The following SNX7 variants were observed in gnomAD, a reference collection of about 807,000 sequenced individuals.
SNX7 encodes the protein sorting nexin-7.
A neutral mutation model predicts 48.4 loss-of-function variants in SNX7; 35 were observed. The observed-to-expected ratio is 0.72, with a 90% CI of 0.55 to 0.96. The LOEUF is 0.96. SNX7 is among the 40% of genes least tolerant of loss of function. The pLI is 0.00. For missense variants in SNX7, 553 were observed against 548.9 expected (o/e 1.01, Z -0.07); for synonymous variants, 190 against 190.2 (o/e 1.00, Z 0.01).
chr1:98,703,132 C>T (rs1474647863), intron 7 of SNX7, among the ~76,000 whole-genome samples: 1 of 151,934 alleles, frequency 6.6e-6, no homozygotes, highest in Non-Finnish European at 1.5e-5. Context: ...TGGAGTGCTC[C>T]CAGGCCCTTG....
Position 98,701,852 on chromosome 1 carries a change from A to G in SNX7, c.1074A>G (p.Glu358=). 1 of 1,611,468 alleles carries G rather than the reference A, an allele frequency of 6.2e-7. No individual in the cohort carries two copies. The highest frequency in any genetic ancestry group is 8.5e-7 in the Non-Finnish European group (1 of 1,178,596). ...AAAGAAGAGACCAAATACAAGCAGA[A>G]CTGGATTCCAAAGTTGAAGTTTTGA... is the stretch of plus-strand genomic sequence containing the variant. ...VMKRRDQIQA[E]LDSKVEVLTY... is the part of the protein sequence containing the mutation. The change falls in exon 7 of 9, where the codon GAA becomes GAG. Residue 358 remains glutamate, a synonymous_variant. Coordinates refer to ENST00000306121, the MANE Select transcript of SNX7 (RefSeq NM_015976.5).
chr1:98,734,610 A>G (rs1367184729), intron 7 of SNX7, among the ~76,000 whole-genome samples: 1 of 152,182 alleles, frequency 6.6e-6, no homozygotes, highest in African/African-American at 2.4e-5. Context: ...CATATAGCCA[A>G]TGACAGAATG....
At chr1:98,689,541 C>G (rs1413924180) in intron 2 of SNX7, among the ~76,000 whole-genome samples, 2 of 152,034 alleles carry the variant, frequency 1.3e-5, no homozygotes, top group African/African-American at 4.8e-5. Context: ...TTGTTTTATG[C>G]TTACTTAAAA....
chr1:98,754,804 CATT>C (rs1218549445), intron 8 of SNX7, among the ~76,000 whole-genome samples: 1 of 151,552 alleles, frequency 6.6e-6, no homozygotes, highest in Non-Finnish European at 1.5e-5. Context: ...TTTTTTCTTT[CATT>C]GAGTCCCACT....
rs962562843 is a variant in SNX7, at chr1:98,690,751, G to A, written c.364-324G>A. Among the ~76,000 whole-genome samples, 3 of 152,072 alleles carry A rather than the reference G, an allele frequency of 2.0e-5. No homozygotes were observed. The South Asian group carries it at 6.2e-4, about 31-fold the overall frequency. On this transcript the variant is annotated intron_variant, in intron 2 of 8. Coordinates refer to ENST00000306121, the MANE Select transcript of SNX7 (RefSeq NM_015976.5). ...AAATTCAGAACACACTTGCTTGTTA[G>A]CAAGAAAGTCATGCCAAAGATAATA...
chr1:98,702,327 G>A (rs903552030), intron 7 of SNX7, among the ~76,000 whole-genome samples: 4 of 152,102 alleles, frequency 2.6e-5, no homozygotes, highest in African/African-American at 9.6e-5. Context: ...TTATGAAAGG[G>A]AATATCTTTG....
At chr1:98,680,091 A>T (rs1287547031) in intron 1 of SNX7, among the ~76,000 whole-genome samples, 1 of 152,192 alleles carries the variant, frequency 6.6e-6, no homozygotes, top group African/African-American at 2.4e-5. Context: ...GCATTTCCAT[A>T]CATCCTCTGA....
intron 2 of SNX7, among the ~76,000 whole-genome samples, chr1:98,687,648 T>G (rs1023742632): frequency 5.3e-5 from 8 of 152,106 alleles, no homozygotes; most frequent in Admixed American, 4.6e-4. Context: ...AGAAGGGGTG[T>G]TTGCATATGA....
chr1:98,720,416 A>T (rs1473694686), intron 7 of SNX7, among the ~76,000 whole-genome samples: 1 of 152,066 alleles, frequency 6.6e-6, no homozygotes, highest in Non-Finnish European at 1.5e-5. Flanking sequence ...TTTCAAAATG[A>T]AGTGATTGAG....
chr1:98,757,826 C>A (rs1654927248), intron 8 of SNX7, among the ~76,000 whole-genome samples: 1 of 152,040 alleles, frequency 6.6e-6, no homozygotes, highest in South Asian at 2.1e-4. Context: ...AGCCTGAGTT[C>A]TTGATCACTA....
intron 4 of SNX7, among the ~76,000 whole-genome samples, chr1:98,692,070 C>T (rs867242583): frequency 4.0e-5 from 6 of 151,832 alleles, no homozygotes; most frequent in Admixed American, 6.6e-5. Context: ...AACAACATGG[C>T]GGTTAGGGAA....
intron 7 of SNX7, among the ~76,000 whole-genome samples, chr1:98,709,798 T>G (rs1652204905): frequency 6.6e-6 from 1 of 152,194 alleles, no homozygotes; most frequent in East Asian, 1.9e-4. Context: ...AGAAAGTGTG[T>G]CTTTTTTGTG....
intron 8 of SNX7, among the ~76,000 whole-genome samples, chr1:98,746,766 A>C (rs1654327945): frequency 6.6e-6 from 1 of 152,060 alleles, no homozygotes; most frequent in African/African-American, 2.4e-5. Context: ...GTATAGATGA[A>C]TATTCCCCTA....
Position 98,694,730 on chromosome 1 carries a change from C to T in SNX7, c.640-788C>T, listed in dbSNP as rs970340589. Among the ~76,000 whole-genome samples, 6 of 149,024 alleles carry T rather than the reference C, an allele frequency of 4.0e-5. No individual in the cohort carries two copies. In the East Asian group the frequency reaches 1.0e-3, roughly 26 times the overall value. ...TCACGCCATTCTCCTGCCTCAGCCT[C>T]CCAAGTAGCTGGGACTACAGGCACC... is the stretch of plus-strand genomic sequence containing the variant. On this transcript the variant is annotated intron_variant, in intron 4 of 8. Coordinates refer to ENST00000306121, the MANE Select transcript of SNX7 (RefSeq NM_015976.5).
At chr1:98,662,925 TTC>T in intron 1 of SNX7, 1 of 1,012,660 alleles carries the variant, frequency 9.9e-7, no homozygotes, top group African/African-American at 1.7e-5. Context: ...TAAAACTTAT[TTC>T]TACTTCGGTT....
intron 7 of SNX7, among the ~76,000 whole-genome samples, chr1:98,733,817 C>G (rs1486273651): frequency 1.3e-5 from 2 of 151,922 alleles, no homozygotes; most frequent in African/African-American, 4.8e-5. Context: ...ATGGTTGATT[C>G]CTTAGTCCCA....
intron 1 of SNX7, among the ~76,000 whole-genome samples, chr1:98,665,305 A>T (rs1028891152): frequency 1.3e-4 from 20 of 152,208 alleles, no homozygotes; most frequent in African/African-American, 4.3e-4. Context: ...GTTCCCTGAA[A>T]CTAGAGATAG....
At chr1:98,751,474 C>T (rs1470168173) in intron 8 of SNX7, among the ~76,000 whole-genome samples, 1 of 152,004 alleles carries the variant, frequency 6.6e-6, no homozygotes, top group Non-Finnish European at 1.5e-5. Context: ...CTGTTTTCCC[C>T]ACCTCTGGCT....
At chr1:98,715,468 T>C (rs1377327506) in intron 7 of SNX7, among the ~76,000 whole-genome samples, 1 of 152,212 alleles carries the variant, frequency 6.6e-6, no homozygotes, top group Non-Finnish European at 1.5e-5. Context: ...CTTTTTCCAA[T>C]GTAATTAGTA....
Sources: allele counts gnomAD v4.1 joint callset (sites outside exome capture counted in the v4.1 genomes callset), GRCh38; gene constraint gnomAD v4.1.1; transcripts MANE v1.5; gene names NCBI Gene and HGNC (gene_info 2026-07-23, HGNC 2026-07-21).